KCNH8: variants seen among roughly 807,000 people sequenced by gnomAD.
KCNH8 encodes the protein potassium voltage-gated channel subfamily H member 8, also known as voltage-gated delayed rectifier potassium channel KCNH8.
Under a neutral mutation model 103.6 loss-of-function variants are expected in KCNH8, and 70 were observed. That is an observed-to-expected ratio of 0.68 (90% CI 0.56 to 0.82). The LOEUF (loss-of-function observed/expected upper bound fraction) is 0.82. Ranked by LOEUF, KCNH8 falls within the 40% of genes least tolerant of loss-of-function variation. The pLI is 0.00. For synonymous variants in KCNH8, 498 were observed against 489.4 expected, an observed-to-expected ratio of 1.02 and a Z score of -0.23; for missense variants, 1,217 against 1,329.9, an observed-to-expected ratio of 0.92 and a Z score of 1.32.
chr3:19,242,455 A>G (rs577898543), intron 1 of KCNH8, among the ~76,000 whole-genome samples: 122 of 152,330 alleles, frequency 8.0e-4, no homozygotes, highest in African/African-American at 2.8e-3. Flanking sequence ...GATCCTCTCC[A>G]AACTTTAAGC....
rs564728932 is a variant in KCNH8, at chr3:19,400,121, G to T, written c.1177+4810G>T. 1.4e-4 allele frequency among the ~76,000 whole-genome samples: 20 copies of T among 147,138 alleles called. No individual in the cohort carries two copies. The Admixed American group carries it at 1.4e-3, about 10-fold the overall frequency. ...CAGACACAGACTGCCAGGACAAGAA[G>T]ACTCTTTCCATCTTACCCTTCCATG... On this transcript the variant is annotated intron_variant, in intron 7 of 15. Transcript: ENST00000328405.
intron 15 of KCNH8, among the ~76,000 whole-genome samples, chr3:19,525,331 C>T (rs543044943): frequency 5.9e-5 from 9 of 152,000 alleles, no homozygotes; most frequent in South Asian, 2.1e-4. Context: ...TCTCAGGCCC[C>T]GCCCAAGACC....
chr3:19,270,624 G>A (rs980297161), intron 2 of KCNH8, among the ~76,000 whole-genome samples: 1 of 152,098 alleles, frequency 6.6e-6, no homozygotes, highest in Non-Finnish European at 1.5e-5. Flanking sequence ...GAGAGAAGCA[G>A]TAAGTTGAGG....
intron 1 of KCNH8, among the ~76,000 whole-genome samples, chr3:19,217,193 T>A (rs1417516158): frequency 6.6e-6 from 1 of 152,206 alleles, no homozygotes; most frequent in Non-Finnish European, 1.5e-5. Flanking sequence ...CCGTCTGCTT[T>A]GCTTGGAAAG....
At chr3:19,278,578 G>GA (rs1267005329) in intron 2 of KCNH8, among the ~76,000 whole-genome samples, 5 of 144,284 alleles carry the variant, frequency 3.5e-5, no homozygotes, top group African/African-American at 1.0e-4. Flanking sequence ...GGAAGGGAGG[G>GA]AGGGAAGGAA....
At chr3:19,502,261 T>G (rs1430110332) in intron 11 of KCNH8, among the ~76,000 whole-genome samples, 10 of 151,354 alleles carry the variant, frequency 6.6e-5, no homozygotes, top group African/African-American at 9.7e-5. Context: ...CACTGCTCAA[T>G]GAAATAAAAG....
chr3:19,414,938 C>T (rs1235817683), intron 7 of KCNH8, among the ~76,000 whole-genome samples: 4 of 151,858 alleles, frequency 2.6e-5, no homozygotes, highest in Non-Finnish European at 5.9e-5. Context: ...AACATTTTGC[C>T]ATAATTGCTT....
chr3:19,442,280 TG>T (rs1311079817), intron 8 of KCNH8, among the ~76,000 whole-genome samples: 3 of 152,240 alleles, frequency 2.0e-5, no homozygotes, highest in African/African-American at 7.2e-5. Context: ...ACAAGCATTT[TG>T]CAGATAAACA....
chr3:19,225,838 A>T (rs1328961583), intron 1 of KCNH8, among the ~76,000 whole-genome samples: 1 of 152,154 alleles, frequency 6.6e-6, no homozygotes, highest in Non-Finnish European at 1.5e-5. Context: ...AATTAAATGT[A>T]TTCATTTAGA....
chr3:19,500,352 C>T (rs1437133059), intron 11 of KCNH8, among the ~76,000 whole-genome samples: 1 of 152,128 alleles, frequency 6.6e-6, no homozygotes, highest in Non-Finnish European at 1.5e-5. Context: ...CTTTAACACC[C>T]CACTGTCAAC....
intron 7 of KCNH8, among the ~76,000 whole-genome samples, chr3:19,428,421 A>G (rs2067061087): frequency 6.6e-6 from 1 of 152,202 alleles, no homozygotes; most frequent in African/African-American, 2.4e-5. Flanking sequence ...GCAATTGTGT[A>G]CATTATTTTC....
At chr3:19,254,572 C>T (rs1239086148) in intron 2 of KCNH8, among the ~76,000 whole-genome samples, 1 of 151,980 alleles carries the variant, frequency 6.6e-6, no homozygotes, top group South Asian at 2.1e-4. Context: ...TGTCCTCAGT[C>T]CTTGAGTTCT....
At chr3:19,228,388 G>C (rs568976661) in intron 1 of KCNH8, among the ~76,000 whole-genome samples, 14 of 152,256 alleles carry the variant, frequency 9.2e-5, no homozygotes, top group Admixed American at 2.6e-4. Flanking sequence ...TAGCCTCAGG[G>C]CTGTTCTTTT....
At chr3:19,291,030 T>C (rs2064915026) in intron 3 of KCNH8, among the ~76,000 whole-genome samples, 1 of 152,252 alleles carries the variant, frequency 6.6e-6, no homozygotes, top group South Asian at 2.1e-4. Context: ...TTTATTTGCA[T>C]AGAGGTGTTT....
chr3:19,427,211 C>T (rs2067042073), intron 7 of KCNH8, among the ~76,000 whole-genome samples: 1 of 152,120 alleles, frequency 6.6e-6, no homozygotes, highest in South Asian at 2.1e-4. Flanking sequence ...ACTGTCAATT[C>T]TAGTTAGGTT....
intron 5 of KCNH8, among the ~76,000 whole-genome samples, chr3:19,378,307 C>T (rs2066240752): frequency 1.3e-5 from 2 of 152,178 alleles, no homozygotes; most frequent in African/African-American, 4.8e-5. Context: ...CAGCTACAAT[C>T]CTATTGCTCT....
At chr3:19,240,918 T>C (rs912567840) in intron 1 of KCNH8, among the ~76,000 whole-genome samples, 6 of 152,160 alleles carry the variant, frequency 3.9e-5, no homozygotes, top group Admixed American at 3.3e-4. Context: ...ACCACCTTCA[T>C]TGGTATCGCT....
chr3:19,292,210 A>G (rs1469198329), intron 3 of KCNH8, among the ~76,000 whole-genome samples: 1 of 152,206 alleles, frequency 6.6e-6, no homozygotes, highest in Non-Finnish European at 1.5e-5. Flanking sequence ...ATGCTGGCTT[A>G]TTCATTATGT....
intron 3 of KCNH8, among the ~76,000 whole-genome samples, chr3:19,288,559 C>T (rs1480857459): frequency 6.6e-6 from 1 of 152,064 alleles, no homozygotes; most frequent in African/African-American, 2.4e-5. Context: ...AGGACATGAA[C>T]TCATCATTTT....
Sources: gnomAD v4.1 joint callset for allele counts (sites outside exome capture counted in the v4.1 genomes callset) on GRCh38, gnomAD v4.1.1 for gene constraint, MANE v1.5 for transcripts, NCBI Gene and HGNC (gene_info 2026-07-23, HGNC 2026-07-21) for gene names.